The following BMPR1A variants were observed in gnomAD, a reference collection of about 807,000 sequenced individuals.
BMPR1A encodes bone morphogenetic protein receptor type-1A.
Under a neutral mutation model 66.0 loss-of-function variants are expected in BMPR1A, and 7 were observed. That is an observed-to-expected ratio of 0.11 (90% CI 0.06 to 0.20). BMPR1A has a LOEUF of 0.20. Ranked by LOEUF, BMPR1A falls within the 10% of genes least tolerant of loss-of-function variation. The pLI, the probability that BMPR1A is intolerant of heterozygous loss-of-function variation, is 1.00. For missense variants in BMPR1A, 408 were observed against 669.1 expected (o/e 0.61, Z 4.31); for synonymous variants, 200 against 229.7 (o/e 0.87, Z 1.17).
At chr10:86,857,808 C>G (rs1842662394) in intron 2 of BMPR1A, among the ~76,000 whole-genome samples, 1 of 131,876 alleles carries the variant, frequency 7.6e-6, no homozygotes, top group Non-Finnish European at 1.6e-5. Flanking sequence ...CTAGTCATTA[C>G]TTTATTCGTT....
chr10:86,787,750 A>G (rs1030931015), intron 1 of BMPR1A, among the ~76,000 whole-genome samples: 3 of 152,174 alleles, frequency 2.0e-5, no homozygotes, highest in African/African-American at 7.2e-5. Flanking sequence ...GAAACTTACA[A>G]TCATGGCAGA....
chr10:86,854,297 C>T (rs1188498734), intron 2 of BMPR1A, among the ~76,000 whole-genome samples: 1 of 152,148 alleles, frequency 6.6e-6, no homozygotes, highest in African/African-American at 2.4e-5. Flanking sequence ...TGTTCAAACA[C>T]ACGTGCTCTA....
downstream of BMPR1A, chr10:86,931,932 T>C (rs963922155): frequency 6.6e-6 from 1 of 152,242 alleles, no homozygotes. Context: ...GCTTCTCATA[T>C]GTTTCATCCT....
chr10:86,852,008 C>A (rs1232429121), intron 2 of BMPR1A, among the ~76,000 whole-genome samples: 1 of 152,030 alleles, frequency 6.6e-6, no homozygotes, highest in African/African-American at 2.4e-5. Flanking sequence ...GGCTTGAGCC[C>A]AGGAGCTGGA....
rs973179182 is a variant in BMPR1A, at chr10:86,882,687, C to T, written c.67+6602C>T. Among the ~76,000 whole-genome samples, 6 of 149,344 alleles carry T rather than the reference C, an allele frequency of 4.0e-5. No individual in the cohort carries two copies. In the South Asian group the frequency reaches 6.3e-4, roughly 16 times the overall value. On this transcript the variant is annotated intron_variant, in intron 3 of 12. Transcript: ENST00000372037. ...GAAAAAAAAAAAAAAAGACCCAACA[C>T]GGTGGCTCATGTCATGTCTATAATC...
At chr10:86,772,456 A>T (rs1005681718) in intron 1 of BMPR1A, among the ~76,000 whole-genome samples, 2 of 152,070 alleles carry the variant, frequency 1.3e-5, no homozygotes, top group African/African-American at 4.8e-5. Flanking sequence ...TCACAGCTTT[A>T]CCATGAGTAT....
At chr10:86,927,979 T>TG (rs1295418691), downstream of BMPR1A, 5 of 178,236 alleles carry the variant, frequency 2.8e-5, no homozygotes, top group African/African-American at 1.2e-4. Context: ...ACTTTAGTGA[T>TG]GTGTTTTGTG....
At chr10:86,794,883 CTCT>C (rs1326942862) in intron 1 of BMPR1A, among the ~76,000 whole-genome samples, 24 of 150,314 alleles carry the variant, frequency 1.6e-4, no homozygotes, top group Non-Finnish European at 3.0e-5. Context: ...GAGAGTTTCG[CTCT>C]TGTTTCCCAG....
intron 11 of BMPR1A, 108 bp downstream of exon 11, chr10:86,921,803 G>A (rs1843669545): frequency 1.5e-6 from 2 of 1,372,260 alleles, no homozygotes; most frequent in Non-Finnish European, 1.0e-6. Flanking sequence ...CACATAGTAG[G>A]TGTATATATT....
In BMPR1A at chr10:86,880,458, C is replaced by T. The variant is rs1026763273; in HGVS notation, c.67+4373C>T. Reference sequence around the variant, plus strand: ...ATTTATTCATCTTTATTGTCTTTCTCCGTCGAAGACTGTAAGCTTTAATAG... The same window carrying T: ...ATTTATTCATCTTTATTGTCTTTCTTCGTCGAAGACTGTAAGCTTTAATAG... On this transcript the variant is annotated intron_variant, in intron 3 of 12. Coordinates refer to ENST00000372037, the MANE Select transcript of BMPR1A (RefSeq NM_004329.3). Among the ~76,000 whole-genome samples the T allele has an allele frequency of 2.0e-5, 3 of 152,294 alleles. No individual in the cohort carries two copies. The South Asian group carries it at 6.2e-4, about 32-fold the overall frequency.
Position 86,799,501 on chromosome 10 carries a change from CCTTCCTTTCTTTTCTTTT to C in BMPR1A, c.-267-39360_-267-39343del, listed in dbSNP as rs1181099033. 1.1e-3 allele frequency among the ~76,000 whole-genome samples: 112 copies of C among 99,334 alleles called. 1 individual carries two copies. Among genetic ancestry groups the C allele is most frequent in the Admixed American group, 7.3e-3 (77 of 10,546 alleles). 65.2% of individuals were successfully genotyped at this position (99,334 alleles called of 152,430 possible). On this transcript the variant is annotated intron_variant, in intron 1 of 12. Transcript: ENST00000372037. ...TCCTTCCTTCCTTCCTTCCTTCCTT[CCTTCCTTTCTTTTCTTTT>C]CTTTTCTTTTCTTTCTTTTCTTTCT...
intron 4 of BMPR1A, 147 bp downstream of exon 4, chr10:86,890,371 T>C: frequency 1.2e-6 from 1 of 859,588 alleles, no homozygotes; most frequent in Non-Finnish European, 1.8e-6. Context: ...TTGTTTTGTA[T>C]ATTAGAACAT....
chr10:86,772,409 C>T (rs367951890), intron 1 of BMPR1A, among the ~76,000 whole-genome samples: 7 of 152,114 alleles, frequency 4.6e-5, no homozygotes, highest in South Asian at 2.1e-4. Context: ...GGATTACAGG[C>T]GTGAGCCACC....
Position 86,925,918 on chromosome 10 carries a change from G to A in BMPR1A, c.*2199G>A, listed in dbSNP as rs188512985. Reference sequence around the variant, plus strand: ...AATTTTTTGTATTTTTAGTAGAGACGGGGTTTCACCTTGTTAGCCAGGATG... The same window carrying A: ...AATTTTTTGTATTTTTAGTAGAGACAGGGTTTCACCTTGTTAGCCAGGATG... On this transcript the variant is annotated 3_prime_UTR_variant, in exon 13 of 13. Transcript: ENST00000372037. The A allele has an allele frequency of 0.057, 9,205 of 162,468 alleles. 396 individuals carry two copies. Among genetic ancestry groups the A allele is most frequent in the Non-Finnish European group, 0.077 (5,716 of 74,480 alleles). The allele number at this position is 162,468 out of a possible 1,614,324, so 10.1% of individuals were successfully genotyped here.
At chr10:86,834,290 C>G (rs1325118696) in intron 1 of BMPR1A, among the ~76,000 whole-genome samples, 3 of 152,162 alleles carry the variant, frequency 2.0e-5, no homozygotes, top group Non-Finnish European at 2.9e-5. Flanking sequence ...TTTTGAGTCT[C>G]TTCTGTAGTT....
chr10:86,794,843 G>A (rs1160342670), intron 1 of BMPR1A, among the ~76,000 whole-genome samples: 1 of 150,258 alleles, frequency 6.7e-6, no homozygotes, highest in African/African-American at 2.4e-5. Flanking sequence ...TAGATATATA[G>A]ATATAGATAT....
At chr10:86,842,929 CACAACATGGGGG>C (rs368758248) in intron 2 of BMPR1A, among the ~76,000 whole-genome samples, 3 of 152,240 alleles carry the variant, frequency 2.0e-5, no homozygotes, top group African/African-American at 7.2e-5. Context: ...GGGTCCCTCC[CACAACATGGGGG>C]AATTATGGGA....
chr10:86,886,603 A>G (rs1001231801), intron 3 of BMPR1A, among the ~76,000 whole-genome samples: 1 of 152,196 alleles, frequency 6.6e-6, no homozygotes, highest in African/African-American at 2.4e-5. Flanking sequence ...TAGAGGGGGT[A>G]CATCCAGGAA....
chr10:86,801,935 C>T (rs1841817486), intron 1 of BMPR1A, among the ~76,000 whole-genome samples: 1 of 152,024 alleles, frequency 6.6e-6, no homozygotes, highest in African/African-American at 2.4e-5. Context: ...AGGATGGTCT[C>T]GATCTCCTGA....
Sources: allele counts gnomAD v4.1 joint callset (sites outside exome capture counted in the v4.1 genomes callset), GRCh38; gene constraint gnomAD v4.1.1; transcripts MANE v1.5; gene names NCBI Gene and HGNC (gene_info 2026-07-23, HGNC 2026-07-21).